The following LMNB2 variants were observed in gnomAD, a reference collection of about 807,000 sequenced individuals.
LMNB2 encodes lamin-B2.
A neutral mutation model predicts 69.3 loss-of-function variants in LMNB2; 17 were observed. That is an observed-to-expected ratio of 0.25 (90% CI 0.17 to 0.37). LMNB2 has a LOEUF of 0.37. Among genes scored for constraint, LMNB2 ranks in the 10% least tolerant of loss-of-function variants. The probability of loss-of-function intolerance (pLI) is 1.00; values close to 1 mark genes in which losing one functional copy is unlikely to be tolerated. For missense variants in LMNB2, 789 were observed against 883.6 expected (o/e 0.89, Z 1.36); for synonymous variants, 397 against 389.3 (o/e 1.02, Z -0.23).
chr19:2,444,522 G>C lies in LMNB2; in HGVS notation c.283C>G (p.Leu95Val). 2 of 1,611,142 alleles carry C rather than the reference G, an allele frequency of 1.2e-6. No individual in the cohort carries two copies. The highest frequency in any genetic ancestry group is 1.7e-6 in the Non-Finnish European group (2 of 1,180,018). ...TTREVSGIKALYESELADARR... is the reference protein window; with the variant it reads ...TTREVSGIKAVYESELADARR... The stretch of plus-strand genomic sequence containing the variant: ...GCATCGGCCAGCTCCGACTCGTACA[G>C]CGCCTTGATGCCACTCACCTGGGGA... Residue 95 changes from leucine to valine, a missense_variant, in exon 2 of 12, where the codon CTG (leucine) becomes GTG (valine). Coordinates refer to ENST00000325327, the MANE Select transcript of LMNB2 (RefSeq NM_032737.4).
chr19:2,454,950 T>C (rs975129980), intron 1 of LMNB2, among the ~76,000 whole-genome samples: 8 of 151,946 alleles, frequency 5.3e-5, no homozygotes, highest in Non-Finnish European at 1.0e-4. Flanking sequence ...CACTGAAGCC[T>C]CGGGGCCCAT....
At chr19:2,434,962 C>T in intron 5 of LMNB2, 39 bp downstream of exon 5, 2 of 1,466,920 alleles carry the variant, frequency 1.4e-6, no homozygotes, top group Admixed American at 1.8e-5. Context: ...GGGCGGGGTT[C>T]CCACCGGCCG....
At chr19:2,442,558 G>A (rs1188638709) in intron 2 of LMNB2, among the ~76,000 whole-genome samples, 1 of 152,078 alleles carries the variant, frequency 6.6e-6, no homozygotes, top group Non-Finnish European at 1.5e-5. Context: ...GACAGAGCAA[G>A]ACTATGTCTC....
rs778299381 is a variant in LMNB2, at chr19:2,444,524, G to A, written c.281C>T (p.Ala94Val). Residue 94 changes from alanine (A) to valine (V), a missense_variant, in exon 2 of 12, where the codon GCG becomes GTG. Coordinates refer to ENST00000325327, the MANE Select transcript of LMNB2 (RefSeq NM_032737.4). ...VTTREVSGIK[A>V]LYESELADAR... ...ATCGGCCAGCTCCGACTCGTACAGC[G>A]CCTTGATGCCACTCACCTGGGGAGA... 4.2e-5 allele frequency: 68 copies of A among 1,611,008 alleles called. No individual in the cohort carries two copies. The East Asian group carries it at 6.0e-4, about 14-fold the overall frequency.
chr19:2,452,188 C>A (rs1302887601), intron 1 of LMNB2, among the ~76,000 whole-genome samples: 1 of 152,150 alleles, frequency 6.6e-6, no homozygotes, highest in Non-Finnish European at 1.5e-5. Context: ...CAAAAGACAC[C>A]CCCTAGTGTC....
In LMNB2 at chr19:2,433,988, C is replaced by T; in HGVS notation, c.1320G>A (p.Glu440=). The T allele has an allele frequency of 1.2e-6, 2 of 1,610,250 alleles. No individual in the cohort carries two copies. The highest frequency in any genetic ancestry group is 1.7e-6 in the Non-Finnish European group (2 of 1,179,364). The change falls in exon 8 of 12, where the codon GAG becomes GAA. Residue 440 remains glutamate, a synonymous_variant. Coordinates refer to ENST00000325327, the MANE Select transcript of LMNB2 (RefSeq NM_032737.4). ...GGCCGCTGCCCAAGGGCTCCTCCAC[C>T]TCCAGCCGCTTCCGCTTACTGCGGC... The part of the protein sequence containing the change: ...RLGRSKRKRL[E]VEEPLGSGPS...
Position 2,453,722 on chromosome 19 carries a change from C to G in LMNB2, c.264+2948G>C, listed in dbSNP as rs1972056458. Among the ~76,000 whole-genome samples the G allele has an allele frequency of 1.3e-5, 2 of 152,144 alleles. No homozygotes were observed. The highest frequency in any genetic ancestry group is 1.3e-4 in the Admixed American group (2 of 15,266). On this transcript the variant is annotated intron_variant, in intron 1 of 11. Transcript: ENST00000325327. This position sits in a 1 kb window ranked among gnomAD's most constrained non-coding sequence, Gnocchi z 4.4. The stretch of plus-strand genomic sequence containing the variant: ...CCCGAGAGGTGGCTGGGCCAGGCTC[C>G]CTCTAGGGCACAGGGCCGGTCCAAT...
rs1274627064 is a variant in LMNB2, at chr19:2,447,626, G to A, written c.265-3086C>T. On this transcript the variant is annotated intron_variant, in intron 1 of 11. Coordinates refer to ENST00000325327, the MANE Select transcript of LMNB2 (RefSeq NM_032737.4). The surrounding 1 kb of genome is among the most constrained non-coding windows in gnomAD (Gnocchi z 4.4). ...GACCGGAGGATGGTAGGCGGAACCA[G>A]GCCCAGCACCACCCGCTAGAACGCC... is the stretch of plus-strand genomic sequence containing the variant. 1.3e-5 allele frequency among the ~76,000 whole-genome samples: 2 copies of A among 152,198 alleles called. No individual in the cohort carries two copies. The highest frequency in any genetic ancestry group is 2.9e-5 in the Non-Finnish European group (2 of 68,030).
At chr19:2,449,633 T>C (rs1316902851) in intron 1 of LMNB2, among the ~76,000 whole-genome samples, 2 of 149,586 alleles carry the variant, frequency 1.3e-5, no homozygotes, top group African/African-American at 5.0e-5. Context: ...ACAAATTAGC[T>C]GGGTGTGGTG....
At chr19:2,435,895 A>G (rs562297581) in intron 4 of LMNB2, among the ~76,000 whole-genome samples, 2 of 152,270 alleles carry the variant, frequency 1.3e-5, no homozygotes, top group South Asian at 4.1e-4. Flanking sequence ...TCATGCCTGT[A>G]ATCCCAGCAC....
intron 9 of LMNB2, 138 bp from the exon 10 acceptor site, chr19:2,432,040 G>A (rs902205247): frequency 8.8e-7 from 1 of 1,138,696 alleles, no homozygotes; most frequent in Non-Finnish European, 1.2e-6. Context: ...GCTTATCCAG[G>A]GTGATGGTCC....
In LMNB2 at chr19:2,431,526, C is replaced by T. The variant is rs533573698; in HGVS notation, c.1821+22G>A. On this transcript the variant is annotated intron_variant, in intron 11 of 11. Transcript: ENST00000325327. ...TGCCCCAGAGGCTGCCCCCCAGCCG[C>T]AAGTGGGCACAGGGGTCCTACCTGT... is the stretch of plus-strand genomic sequence containing the variant. The T allele has an allele frequency of 2.7e-5, 43 of 1,614,006 alleles. No individual in the cohort carries two copies. The East Asian group carries it at 9.6e-4, about 36-fold the overall frequency.
At chr19:2,445,032 C>T (rs974039788) in intron 1 of LMNB2, among the ~76,000 whole-genome samples, 8 of 152,166 alleles carry the variant, frequency 5.3e-5, no homozygotes, top group African/African-American at 1.7e-4. Flanking sequence ...GGTTTCAGAA[C>T]CAGAAAACTG....
chr19:2,438,634 G>C (rs1254393260), intron 2 of LMNB2, 103 bp from the exon 3 acceptor site: 1 of 1,400,428 alleles, frequency 7.1e-7, no homozygotes, highest in South Asian at 1.4e-5. Context: ...GGTCACCGAG[G>C]CCTCCGAGCC....
In LMNB2 at chr19:2,431,922, G is replaced by A. The variant is rs747697186; in HGVS notation, c.1591-20C>T. 1 of 1,603,920 alleles carries A rather than the reference G, an allele frequency of 6.2e-7. No homozygotes were observed. Among genetic ancestry groups the A allele is most frequent in the South Asian group, 1.1e-5 (1 of 90,540 alleles). Reference sequence around the variant, plus strand: ...CCACACCTGAGGACCCAATAACAATGGCCCCATCAGGGTCACCTCTGGTTC... The same window carrying A: ...CCACACCTGAGGACCCAATAACAATAGCCCCATCAGGGTCACCTCTGGTTC... On this transcript the variant is annotated intron_variant, in intron 9 of 11. Coordinates refer to ENST00000325327, the MANE Select transcript of LMNB2 (RefSeq NM_032737.4).
chr19:2,450,825 C>T (rs140335094), intron 1 of LMNB2, among the ~76,000 whole-genome samples: 4,457 of 151,254 alleles, frequency 0.029, 240 homozygotes, highest in African/African-American at 0.1. Flanking sequence ...AGAGACGGGG[C>T]TTCACCATGT....
intron 1 of LMNB2, among the ~76,000 whole-genome samples, chr19:2,450,091 A>AATACATATACATATACATATACAC (rs147019959): frequency 3.4e-5 from 5 of 147,744 alleles, no homozygotes; most frequent in Non-Finnish European, 7.5e-5. Context: ...AAGAAAATAA[A>AATACATATACATATACATATACAC]ATACATATAC....
chr19:2,448,098 G>A (rs550273063), intron 1 of LMNB2, among the ~76,000 whole-genome samples: 14 of 152,242 alleles, frequency 9.2e-5, no homozygotes, highest in African/African-American at 3.4e-4. Flanking sequence ...GCGGCACCCC[G>A]GCCACCCCCA....
At chr19:2,442,679 C>G (rs751267372) in intron 2 of LMNB2, among the ~76,000 whole-genome samples, 2 of 152,038 alleles carry the variant, frequency 1.3e-5, no homozygotes, top group Non-Finnish European at 2.9e-5. Context: ...CCTGGGAGTT[C>G]GAGGCTGCAG....
Sources: allele counts gnomAD v4.1 joint callset (sites outside exome capture counted in the v4.1 genomes callset), GRCh38; gene constraint gnomAD v4.1.1; non-coding constraint Gnocchi (gnomAD v3.1); transcripts MANE v1.5; gene names NCBI Gene and HGNC (gene_info 2026-07-23, HGNC 2026-07-21).